Variants in GPC6 observed in about 807,000 individuals in gnomAD.
The protein encoded by GPC6 is glypican 6, also known as glypican-6.
A neutral mutation model predicts 55.2 loss-of-function variants in GPC6; 14 were observed. The ratio of observed to expected loss-of-function variants is 0.25; its 90% CI spans 0.17 to 0.40. The LOEUF (loss-of-function observed/expected upper bound fraction) is 0.40. Ranked by LOEUF, GPC6 falls within the 10% of genes least tolerant of loss-of-function variation. The probability of loss-of-function intolerance (pLI) is 1.00; values close to 1 mark genes in which losing one functional copy is unlikely to be tolerated. For missense variants in GPC6, 641 were observed against 708.5 expected, an observed-to-expected ratio of 0.90 and a Z score of 1.08; for synonymous variants, 278 against 259.6, an observed-to-expected ratio of 1.07 and a Z score of -0.68.
At chr13:94,181,056 G>T (rs1236318625) in intron 4 of GPC6, among the ~76,000 whole-genome samples, 1 of 152,158 alleles carries the variant, frequency 6.6e-6, no homozygotes, top group African/African-American at 2.4e-5. Flanking sequence ...CTGCAGTTTG[G>T]CATTAGTTGA....
intron 4 of GPC6, among the ~76,000 whole-genome samples, chr13:94,083,547 A>G (rs1014812772): frequency 2.0e-5 from 3 of 152,232 alleles, no homozygotes; most frequent in African/African-American, 7.2e-5. Flanking sequence ...TATCACTGCT[A>G]TAGCCCTGGA....
At chr13:94,160,157 T>C (rs191368262) in intron 4 of GPC6, among the ~76,000 whole-genome samples, 6 of 152,352 alleles carry the variant, frequency 3.9e-5, no homozygotes. Context: ...TTTATTGAAG[T>C]ATATTGTTAT....
chr13:93,636,115 A>C (rs569746429), intron 2 of GPC6, among the ~76,000 whole-genome samples: 128 of 152,216 alleles, frequency 8.4e-4, no homozygotes, highest in Non-Finnish European at 1.6e-3. Context: ...GGGAGAGATT[A>C]GAAAGCTGGA....
At chr13:94,072,604 G>C (rs910377864) in intron 4 of GPC6, among the ~76,000 whole-genome samples, 1 of 152,228 alleles carries the variant, frequency 6.6e-6, no homozygotes, top group East Asian at 1.9e-4. Context: ...TGCCCGCCTC[G>C]GCCTCCCAAA....
At chr13:94,205,916 G>A (rs1231831922) in intron 4 of GPC6, among the ~76,000 whole-genome samples, 2 of 152,144 alleles carry the variant, frequency 1.3e-5, no homozygotes, top group Non-Finnish European at 2.9e-5. Context: ...AGAGACGTTT[G>A]GCAGTGCCTG....
At chr13:93,890,219 C>A (rs1189297296) in intron 3 of GPC6, among the ~76,000 whole-genome samples, 1 of 152,078 alleles carries the variant, frequency 6.6e-6, no homozygotes, top group African/African-American at 2.4e-5. Context: ...TGGAACTAAT[C>A]TCTTTCTTCT....
At chr13:93,821,032 C>T (rs1887029503) in intron 2 of GPC6, among the ~76,000 whole-genome samples, 1 of 152,124 alleles carries the variant, frequency 6.6e-6, no homozygotes, top group South Asian at 2.1e-4. Flanking sequence ...AATTTAAAGG[C>T]ATGATATGTT....
At chr13:93,526,518 A>T (rs939421110) in intron 1 of GPC6, among the ~76,000 whole-genome samples, 1 of 152,092 alleles carries the variant, frequency 6.6e-6, no homozygotes, top group African/African-American at 2.4e-5. Flanking sequence ...CTTGTGTACT[A>T]TTAATTGCCT....
chr13:93,577,813 G>A (rs1876736341), intron 2 of GPC6, among the ~76,000 whole-genome samples: 1 of 152,012 alleles, frequency 6.6e-6, no homozygotes, highest in Admixed American at 6.6e-5. Context: ...AGGCTTTCAA[G>A]TTTTTCATGT....
chr13:93,911,569 AC>A (rs1385509595), intron 3 of GPC6, among the ~76,000 whole-genome samples: 1 of 152,140 alleles, frequency 6.6e-6, no homozygotes, highest in Admixed American at 6.5e-5. Flanking sequence ...TGTTGGGAAA[AC>A]TTCCTACTAA....
At chr13:93,688,931 T>C (rs905978599) in intron 2 of GPC6, among the ~76,000 whole-genome samples, 2 of 152,068 alleles carry the variant, frequency 1.3e-5, no homozygotes. Flanking sequence ...TTATGTTAAT[T>C]ATATTTTAGC....
intron 3 of GPC6, among the ~76,000 whole-genome samples, chr13:94,005,640 A>G (rs990540410): frequency 1.3e-5 from 2 of 152,204 alleles, no homozygotes; most frequent in African/African-American, 2.4e-5. Flanking sequence ...CCTAGGACTC[A>G]ATTTCCTCAT....
chr13:93,862,746 G>A (rs1165668940), intron 3 of GPC6, among the ~76,000 whole-genome samples: 1 of 151,614 alleles, frequency 6.6e-6, no homozygotes, highest in Non-Finnish European at 1.5e-5. Flanking sequence ...TATCCCCGTT[G>A]ACAGTTATTA....
At chr13:93,573,108 A>G (rs1394069720) in intron 2 of GPC6, among the ~76,000 whole-genome samples, 1 of 152,036 alleles carries the variant, frequency 6.6e-6, no homozygotes, top group Admixed American at 6.6e-5. Flanking sequence ...ATGCCATACA[A>G]TTTTCTAGGC....
At chr13:94,040,814 C>T (rs1883504719) in intron 4 of GPC6, among the ~76,000 whole-genome samples, 1 of 151,740 alleles carries the variant, frequency 6.6e-6, no homozygotes, top group Non-Finnish European at 1.5e-5. Flanking sequence ...TTAATAGTGG[C>T]CATGCAATAT....
chr13:94,003,708 C>T (rs1881903581), intron 3 of GPC6, among the ~76,000 whole-genome samples: 1 of 152,132 alleles, frequency 6.6e-6, no homozygotes, highest in Admixed American at 6.5e-5. Flanking sequence ...GTCCACTTTA[C>T]TATTGATTGT....
chr13:94,306,850 A>G (rs1300563394), intron 6 of GPC6, among the ~76,000 whole-genome samples: 1 of 152,220 alleles, frequency 6.6e-6, no homozygotes, highest in African/African-American at 2.4e-5. Flanking sequence ...CATTTGTAGT[A>G]CTGTAAACAC....
In GPC6 at chr13:94,040,098, G is replaced by A. The variant is rs137911816; in HGVS notation, c.877+12204G>A. 2.0e-4 allele frequency among the ~76,000 whole-genome samples: 30 copies of A among 151,730 alleles called. No homozygotes were observed. The East Asian group carries it at 5.8e-3, about 29-fold the overall frequency. ...TCAAGAGGAAATTGATTTTCTATTG[G>A]TTATGACTTTTTGCAATTCTCATTG... is the stretch of plus-strand genomic sequence containing the variant. On this transcript the variant is annotated intron_variant, in intron 4 of 8. Coordinates refer to ENST00000377047, the MANE Select transcript of GPC6 (RefSeq NM_005708.5).
At chr13:93,852,843 C>T (rs967662085) in intron 3 of GPC6, among the ~76,000 whole-genome samples, 1 of 151,648 alleles carries the variant, frequency 6.6e-6, no homozygotes, top group Non-Finnish European at 1.5e-5. Flanking sequence ...CACCCTCTCT[C>T]TTATTGGCTA....
Sources: gnomAD v4.1 joint callset for allele counts (sites outside exome capture counted in the v4.1 genomes callset) on GRCh38, gnomAD v4.1.1 for gene constraint, MANE v1.5 for transcripts, NCBI Gene and HGNC (gene_info 2026-07-23, HGNC 2026-07-21) for gene names.